Variants in KAT14 observed in about 807,000 individuals in gnomAD.
KAT14 encodes cysteine-rich protein 2-binding protein.
In KAT14, 66 loss-of-function variants were observed where a neutral mutation model predicts 78.4. The ratio of observed to expected loss-of-function variants is 0.84; its 90% confidence interval spans 0.69 to 1.03. KAT14 has a LOEUF of 1.03. Ranked by LOEUF, KAT14 falls within the 50% of genes least tolerant of loss-of-function variation. KAT14 has a pLI of 0.00. For missense variants in KAT14, 870 were observed against 972.5 expected, an observed-to-expected ratio of 0.89 and a Z score of 1.40; for synonymous variants, 344 against 359.4, an observed-to-expected ratio of 0.96 and a Z score of 0.48.
At chr20:18,174,778 C>T (rs544235506) in intron 7 of KAT14, among the ~76,000 whole-genome samples, 52 of 151,860 alleles carry the variant, frequency 3.4e-4, no homozygotes, top group African/African-American at 1.3e-3. Flanking sequence ...GTTCTCCTGC[C>T]TCAGCCACCG....
At chr20:18,153,094 G>C (rs1301419551) in intron 4 of KAT14, among the ~76,000 whole-genome samples, 1 of 152,172 alleles carries the variant, frequency 6.6e-6, no homozygotes, top group African/African-American at 2.4e-5. Flanking sequence ...GTTTAGACAT[G>C]ACAAAGTCTT....
intron 10 of KAT14, among the ~76,000 whole-genome samples, chr20:18,185,264 G>A (rs1386010466): frequency 2.0e-5 from 3 of 152,048 alleles, no homozygotes; most frequent in Non-Finnish European, 4.4e-5. Context: ...ACCCAGACTG[G>A]AGTTGCACAA....
Position 18,184,804 on chromosome 20 carries a change from A to G in KAT14, c.2172+12A>G, listed in dbSNP as rs774737006. 3 of 1,592,740 alleles carry G rather than the reference A, an allele frequency of 1.9e-6. No homozygotes were observed. Among genetic ancestry groups the G allele is most frequent in the South Asian group, 1.1e-5 (1 of 88,058 alleles). On this transcript the variant is annotated intron_variant, in intron 10 of 10. Coordinates refer to ENST00000688188, the MANE Select transcript of KAT14 (RefSeq NM_001392073.1). ...ATCATCTGATTCAGGTAAGTTGTCT[A>G]TGTTTATGATTTATCACCTGTGTCT...
chr20:18,162,855 A>G lies in KAT14; in HGVS notation c.1578A>G (p.Gly526=), dbSNP rs552853153. The G allele has an allele frequency of 6.2e-7, 1 of 1,614,168 alleles. No individual in the cohort carries two copies. The highest frequency in any genetic ancestry group is 1.1e-5 in the South Asian group (1 of 91,082). ...TTTTGTTAGTTGACGGGATTTATGG[A>G]GCCAAAGAAGGAGGAATTTCCAGAC... The part of the protein sequence containing the change: ...AALLLVDGIY[G]AKEGGISRLP... Residue 526 remains glycine, a synonymous_variant, in exon 7 of 11, where the codon GGA becomes GGG. Transcript: ENST00000688188.
chr20:18,138,868 A>G (rs1302279508), intron 1 of KAT14, among the ~76,000 whole-genome samples: 5 of 152,228 alleles, frequency 3.3e-5, no homozygotes, highest in African/African-American at 9.6e-5. Flanking sequence ...AAAGATAAGG[A>G]AACTCCACTC....
rs753693561 is a variant in KAT14, at chr20:18,162,114, C to T, written c.974C>T (p.Pro325Leu). ...TCTGACCGCACCCCGCTGACAAGCC[C>T]ATCTCCTTCTCCTTCTCTGGATTTC... ...SSSDRTPLTS[P>L]SPSPSLDFSA... The change falls in exon 6 of 11, where the codon CCA becomes CTA. Residue 325 changes from proline (P) to leucine (L), a missense_variant. Transcript: ENST00000688188. 1 of 1,614,218 alleles carries T rather than the reference C, an allele frequency of 6.2e-7. No homozygotes were observed. Among genetic ancestry groups the T allele is most frequent in the Non-Finnish European group, 8.5e-7 (1 of 1,180,048 alleles).
intron 3 of KAT14, among the ~76,000 whole-genome samples, chr20:18,147,609 C>T (rs572537967): frequency 2.0e-5 from 3 of 152,154 alleles, no homozygotes; most frequent in Admixed American, 2.0e-4. Flanking sequence ...TTTTGAGGCA[C>T]AGTCTCACTC....
intron 3 of KAT14, 69 bp downstream of exon 3, chr20:18,145,420 A>G (rs1292919181): frequency 2.5e-6 from 4 of 1,588,172 alleles, no homozygotes; most frequent in Middle Eastern, 3.4e-4. Context: ...ACGAATATCT[A>G]GAAACTTAGG....
chr20:18,168,121 T>C (rs148113837), intron 7 of KAT14, among the ~76,000 whole-genome samples: 175 of 152,366 alleles, frequency 1.1e-3, no homozygotes, highest in South Asian at 1.9e-3. Context: ...ATTTAAATGA[T>C]AGCAGTCATA....
Position 18,184,777 on chromosome 20 carries a change from C to T in KAT14, c.2157C>T (p.Ile719=). ...GAGCAGGGATTGCAACTTTCATGATCTATCATCTGATTCAGGTAAGTTGTC... is the reference window on the plus strand; with the variant it reads ...GAGCAGGGATTGCAACTTTCATGATTTATCATCTGATTCAGGTAAGTTGTC... The part of the protein sequence containing the change: ...WRRAGIATFM[I]YHLIQTCMGK... Residue 719 remains isoleucine (I), a synonymous_variant, in exon 10 of 11, where the codon ATC becomes ATT. Coordinates refer to ENST00000688188, the MANE Select transcript of KAT14 (RefSeq NM_001392073.1). 1 of 1,606,058 alleles carries T rather than the reference C, an allele frequency of 6.2e-7. No individual in the cohort carries two copies. The highest frequency in any genetic ancestry group is 8.5e-7 in the Non-Finnish European group (1 of 1,177,488).
At chr20:18,144,432 C>T (rs577077984) in intron 2 of KAT14, among the ~76,000 whole-genome samples, 2 of 152,158 alleles carry the variant, frequency 1.3e-5, no homozygotes, top group African/African-American at 4.8e-5. Context: ...CAATTCTTAT[C>T]CTTAGGGCTT....
Position 18,162,217 on chromosome 20 carries a change from GC to G in KAT14, c.1082del (p.Pro361HisfsTer17), listed in dbSNP as rs754512458. On this transcript the variant is annotated frameshift_variant, in exon 6 of 11. Transcript: ENST00000688188. LOFTEE classifies it high-confidence loss of function. The stretch of plus-strand genomic sequence containing the variant: ...AAGCAGATCTGATTCCAGATGTGAT[GC>G]CCCCACAAGCCTTGTTTCATGGTAA... The part of the protein sequence containing the change: ...SEADLIPDVM[P>X]PQALFHDDDE... The G allele has an allele frequency of 3.7e-6, 6 of 1,613,900 alleles. No individual in the cohort carries two copies. The highest frequency in any genetic ancestry group is 3.3e-5 in the Admixed American group (2 of 60,014).
chr20:18,182,367 C>G (rs1456037402), intron 8 of KAT14, among the ~76,000 whole-genome samples: 1 of 152,134 alleles, frequency 6.6e-6, no homozygotes, highest in Non-Finnish European at 1.5e-5. Flanking sequence ...AGTGATCCAC[C>G]CAGCTTGGCC....
chr20:18,187,221 T>G (rs368646078), intron 10 of KAT14, 65 bp from the exon 11 acceptor site: 54 of 1,527,928 alleles, frequency 3.5e-5, no homozygotes, highest in Admixed American at 2.6e-4. Flanking sequence ...AAAGCGTTTC[T>G]TTACCTACTC....
At chr20:18,159,891 A>C (rs1349976803) in intron 5 of KAT14, among the ~76,000 whole-genome samples, 1 of 152,184 alleles carries the variant, frequency 6.6e-6, no homozygotes, top group Non-Finnish European at 1.5e-5. Flanking sequence ...TGAGCTTTTA[A>C]ATTTTTATAT....
In KAT14 at chr20:18,184,610, C is replaced by T. The variant is rs1476671268; in HGVS notation, c.1990C>T (p.Leu664=). 2 of 1,606,390 alleles carry T rather than the reference C, an allele frequency of 1.2e-6. No individual in the cohort carries two copies. Among genetic ancestry groups the T allele is most frequent in the Non-Finnish European group, 1.7e-6 (2 of 1,178,248 alleles). The change falls in exon 10 of 11, where the codon CTG becomes TTG. Residue 664 remains leucine (L), a synonymous_variant. Coordinates refer to ENST00000688188, the MANE Select transcript of KAT14 (RefSeq NM_001392073.1). ...TGGTTTCTTTTCTTTAGGCATTGACCTGTCTGAGTGTCTGCAGTACCCAGA... is the reference window on the plus strand; with the variant it reads ...TGGTTTCTTTTCTTTAGGCATTGACTTGTCTGAGTGTCTGCAGTACCCAGA... ...CQEFFWPGID[L]SECLQYPDFS...
chr20:18,148,291 C>G (rs2037898109), intron 3 of KAT14, among the ~76,000 whole-genome samples: 1 of 152,236 alleles, frequency 6.6e-6, no homozygotes, highest in African/African-American at 2.4e-5. Context: ...TCTTGCCACA[C>G]TCCCTTTCTG....
chr20:18,156,534 A>C (rs759203203), intron 4 of KAT14, among the ~76,000 whole-genome samples: 1 of 152,218 alleles, frequency 6.6e-6, no homozygotes, highest in Non-Finnish European at 1.5e-5. Context: ...TTAGCTGGCT[A>C]TATTAGTTTG....
At chr20:18,176,005 CAAA>C (rs35353769) in intron 7 of KAT14, among the ~76,000 whole-genome samples, 29 of 106,182 alleles carry the variant, frequency 2.7e-4, no homozygotes, top group Admixed American at 2.5e-3. Context: ...GAGACTGTCT[CAAA>C]AAAAAAAAAA....
Sources: allele counts gnomAD v4.1 joint callset (sites outside exome capture counted in the v4.1 genomes callset), GRCh38; gene constraint gnomAD v4.1.1; transcripts MANE v1.5; gene names NCBI Gene and HGNC (gene_info 2026-07-23, HGNC 2026-07-21).